Variants in DMXL2 observed in about 807,000 individuals in gnomAD.
The protein encoded by DMXL2 is dmX-like protein 2.
A neutral mutation model predicts 331.1 loss-of-function variants in DMXL2; 103 were observed. The observed-to-expected ratio is 0.31, with a 90% CI of 0.27 to 0.37. DMXL2 has a LOEUF of 0.37. Among genes scored for constraint, DMXL2 ranks in the 10% least tolerant of loss-of-function variants. The probability of loss-of-function intolerance (pLI) is 1.00; values close to 1 mark genes in which losing one functional copy is unlikely to be tolerated. For missense variants in DMXL2, 3,171 were observed against 3,642.9 expected (o/e 0.87, Z 3.33); for synonymous variants, 1,281 against 1,252.1 (o/e 1.02, Z -0.49).
chr15:51,622,156 C>T (rs2054682572), intron 1 of DMXL2, among the ~76,000 whole-genome samples: 1 of 152,242 alleles, frequency 6.6e-6, no homozygotes, highest in South Asian at 2.1e-4. Flanking sequence ...TCCTCCACCG[C>T]AGACCGAAGG....
intron 36 of DMXL2, 113 bp from the exon 37 acceptor site, chr15:51,457,579 A>G: frequency 7.7e-7 from 1 of 1,292,030 alleles, no homozygotes; most frequent in South Asian, 1.5e-5. Flanking sequence ...AAAACTAAGT[A>G]GCCATGAGAA....
intron 1 of DMXL2, among the ~76,000 whole-genome samples, chr15:51,605,381 A>C (rs895867094): frequency 6.6e-6 from 1 of 151,656 alleles, no homozygotes; most frequent in Non-Finnish European, 1.5e-5. Context: ...TTGTATTTTT[A>C]GTAGAGACAG....
At chr15:51,622,433 C>T (rs1443869623) in intron 1 of DMXL2, 26 bp downstream of exon 1, 2 of 1,552,190 alleles carry the variant, frequency 1.3e-6, no homozygotes, top group East Asian at 2.4e-5. Flanking sequence ...TGGTATCTTC[C>T]CCTAGGGCTC....
intron 2 of DMXL2, among the ~76,000 whole-genome samples, chr15:51,573,904 A>C (rs980195779): frequency 3.3e-5 from 5 of 152,140 alleles, no homozygotes; most frequent in African/African-American, 7.2e-5. Context: ...TATTTTTAAT[A>C]TAAAATAACT....
In DMXL2 at chr15:51,502,818, T is replaced by A. The variant is rs1402444713; in HGVS notation, c.2980A>T (p.Thr994Ser). The change falls in exon 17 of 44, where the codon ACG becomes TCG. Residue 994 changes from threonine to serine, a missense_variant. Physicochemically the swap from Thr to Ser is moderately conservative, Grantham distance 58 (BLOSUM62 1). This residue lies in a region of DMXL2 where 1,674 missense variants were observed against 1,780.2 expected (regional missense o/e 0.94). Transcript: ENST00000560891. ...AAAGTGACCTTACCTGCTGAAGGCG[T>A]TGCTCTTATTACTTCAACTGATTCT... ...LPESVEVIRATPSAGHLSSSS... is the reference protein window; with the variant it reads ...LPESVEVIRASPSAGHLSSSS... 6.2e-7 allele frequency: 1 copy of A among 1,613,842 alleles called. No homozygotes were observed. The highest frequency in any genetic ancestry group is 2.2e-5 in the East Asian group (1 of 44,876).
At chr15:51,457,787 T>TA (rs978052198) in intron 36 of DMXL2, 1 of 211,108 alleles carries the variant, frequency 4.7e-6, no homozygotes, top group Admixed American at 5.5e-5. Flanking sequence ...TTAACACGTT[T>TA]AAAGAAATTT....
intron 1 of DMXL2, among the ~76,000 whole-genome samples, chr15:51,621,492 T>C (rs2054622337): frequency 6.6e-6 from 1 of 152,224 alleles, no homozygotes; most frequent in Non-Finnish European, 1.5e-5. Context: ...CTGCCTACAG[T>C]TCCTTATAAG....
chr15:51,470,004 T>C (rs1352985121), intron 29 of DMXL2, among the ~76,000 whole-genome samples: 1 of 152,180 alleles, frequency 6.6e-6, no homozygotes, highest in Non-Finnish European at 1.5e-5. Context: ...AGACATAGAT[T>C]GTTGGTTCTC....
Position 51,622,722 on chromosome 15 carries a change from G to C in DMXL2, c.-177C>G. On this transcript the variant is annotated 5_prime_UTR_variant, in exon 1 of 44. Transcript: ENST00000560891. ...TCCCTCCGCCTCGTCCCTGCCATGG[G>C]AGCTCCTCGACCGCCGCCGCCGCCC... 1 of 1,286,710 alleles carries C rather than the reference G, an allele frequency of 7.8e-7. No individual in the cohort carries two copies. The highest frequency in any genetic ancestry group is 1.5e-5 in the African/African-American group (1 of 64,882). The allele number at this position is 1,286,710 out of a possible 1,614,324, so 79.7% of individuals were successfully genotyped here.
intron 27 of DMXL2, among the ~76,000 whole-genome samples, chr15:51,475,982 C>A (rs2041549518): frequency 6.6e-6 from 1 of 152,050 alleles, no homozygotes; most frequent in African/African-American, 2.4e-5. Flanking sequence ...ATTATGTTTG[C>A]AATTTTTTGC....
intron 13 of DMXL2, among the ~76,000 whole-genome samples, chr15:51,518,408 T>C (rs1223441163): frequency 2.0e-5 from 3 of 152,204 alleles, no homozygotes; most frequent in Non-Finnish European, 4.4e-5. Context: ...CTGTGGCCTA[T>C]AGTTGGTGAG....
At chr15:51,466,861 G>C (rs994758388) in intron 29 of DMXL2, among the ~76,000 whole-genome samples, 2 of 151,890 alleles carry the variant, frequency 1.3e-5, no homozygotes, top group East Asian at 1.9e-4. Flanking sequence ...AGAAAAAATA[G>C]ATGAGATTAG....
chr15:51,485,860 G>A (rs528658164), intron 23 of DMXL2, among the ~76,000 whole-genome samples: 2 of 152,156 alleles, frequency 1.3e-5, no homozygotes, highest in African/African-American at 4.8e-5. Flanking sequence ...TACAGAATGT[G>A]GCAAACATTT....
intron 1 of DMXL2, among the ~76,000 whole-genome samples, chr15:51,577,773 TCA>T (rs1220383957): frequency 6.6e-6 from 1 of 152,176 alleles, no homozygotes; most frequent in African/African-American, 2.4e-5. Flanking sequence ...TAGTTTGAAA[TCA>T]CACACACAGT....
rs773023236 is a variant in DMXL2 at position 51,498,905 on chromosome 15, T to G, written c.4319A>C (p.Asp1440Ala). The G allele has an allele frequency of 6.2e-7, 1 of 1,614,150 alleles. No homozygotes were observed. Among genetic ancestry groups the G allele is most frequent in the Non-Finnish European group, 8.5e-7 (1 of 1,180,016 alleles). Reference protein sequence around the residue: ...PLYALLAADQDTSYRISEEST... With the variant: ...PLYALLAADQATSYRISEEST... ...TTCTTCTGAAATTCTGTAGGATGTATCTTGATCTGCAGCAAGTAATGCATA... is the reference window on the plus strand; with the variant it reads ...TTCTTCTGAAATTCTGTAGGATGTAGCTTGATCTGCAGCAAGTAATGCATA... Residue 1440 changes from aspartate to alanine, a missense_variant, in exon 18 of 44, where the codon GAT becomes GCT. Physicochemically the swap from Asp to Ala is moderately radical, Grantham distance 126. Around this residue, in one of 7 missense-constraint regions of DMXL2, gnomAD observed 1,674 missense variants for 1,780.2 expected, o/e 0.94. Coordinates refer to ENST00000560891, the MANE Select transcript of DMXL2 (RefSeq NM_001378457.1).
intron 1 of DMXL2, among the ~76,000 whole-genome samples, chr15:51,617,893 A>T (rs2054382872): frequency 1.3e-5 from 2 of 152,214 alleles, no homozygotes; most frequent in Non-Finnish European, 2.9e-5. Context: ...TTAACAATCT[A>T]CGCAGGGACA....
intron 20 of DMXL2, among the ~76,000 whole-genome samples, chr15:51,489,846 A>G (rs1025738046): frequency 5.3e-5 from 8 of 152,208 alleles, no homozygotes; most frequent in Non-Finnish European, 1.0e-4. Flanking sequence ...TTTGAGGCAG[A>G]AAATGTACAT....
Position 51,448,057 on chromosome 15 carries a change from A to G in DMXL2, c.*927T>C, listed in dbSNP as rs564721733. On this transcript the variant is annotated 3_prime_UTR_variant, in exon 44 of 44. Coordinates refer to ENST00000560891, the MANE Select transcript of DMXL2 (RefSeq NM_001378457.1). Reference sequence around the variant, plus strand: ...CTAATATTTTACAAGCAAATATTTAACTCTGCATAGTTTATACAATAGGCT... The same window carrying G: ...CTAATATTTTACAAGCAAATATTTAGCTCTGCATAGTTTATACAATAGGCT... The G allele has an allele frequency of 6.5e-6, 1 of 152,786 alleles. No individual in the cohort carries two copies. The allele number at this position is 152,786 out of a possible 1,614,324, so 9.5% of individuals were successfully genotyped here.
At chr15:51,570,474 C>A (rs1047783775) in intron 2 of DMXL2, among the ~76,000 whole-genome samples, 9 of 151,888 alleles carry the variant, frequency 5.9e-5, no homozygotes, top group African/African-American at 2.2e-4. Flanking sequence ...GAAGAGCAAC[C>A]CCAAGACACA....
Sources: allele counts gnomAD v4.1 joint callset (sites outside exome capture counted in the v4.1 genomes callset), GRCh38; gene constraint gnomAD v4.1.1; regional missense constraint gnomAD v4.1.1; transcripts MANE v1.5; gene names NCBI Gene and HGNC (gene_info 2026-07-23, HGNC 2026-07-21).